Variants in RRAGD observed in about 807,000 individuals in gnomAD.
RRAGD encodes Ras related GTP binding D.
RRAGD carries 12 observed loss-of-function variants against 35.5 expected under a neutral mutation model. The observed-to-expected ratio is 0.34, with a 90% confidence interval of 0.22 to 0.55. The LOEUF (loss-of-function observed/expected upper bound fraction) is 0.55, where lower values mean the gene tolerates loss of function less well. Among genes scored for constraint, RRAGD ranks in the 20% least tolerant of loss-of-function variants. The pLI, the probability that RRAGD is intolerant of heterozygous loss-of-function variation, is 0.91. For synonymous variants in RRAGD, 155 were observed against 178.9 expected (o/e 0.87, Z 1.07); for missense variants, 324 against 490.1 (o/e 0.66, Z 3.20).
At chr6:89,383,238 G>A (rs1051992763) in intron 2 of RRAGD, among the ~76,000 whole-genome samples, 27 of 152,200 alleles carry the variant, frequency 1.8e-4, no homozygotes, top group African/African-American at 6.3e-4. Flanking sequence ...TAACTGAGGA[G>A]GGGAGTTAAG....
At chr6:89,410,916 A>G (rs1194043167) in intron 1 of RRAGD, among the ~76,000 whole-genome samples, 1 of 152,230 alleles carries the variant, frequency 6.6e-6, no homozygotes, top group Non-Finnish European at 1.5e-5. Flanking sequence ...TTCACTGAGA[A>G]TAACATCATG....
At chr6:89,379,689 T>C (rs1416713116) in intron 3 of RRAGD, among the ~76,000 whole-genome samples, 1 of 152,250 alleles carries the variant, frequency 6.6e-6, no homozygotes, top group Non-Finnish European at 1.5e-5. Flanking sequence ...TAGTAACTTA[T>C]ATTCTTGATA....
chr6:89,412,203 C>T lies in RRAGD; in HGVS notation c.-210G>A, dbSNP rs1769721405. 9.5e-6 allele frequency: 3 copies of T among 317,314 alleles called. No individual in the cohort carries two copies. Among genetic ancestry groups the T allele is most frequent in the Non-Finnish European group, 1.1e-5 (2 of 178,114 alleles). 19.7% of individuals were successfully genotyped at this position (317,314 alleles called of 1,614,324 possible). ...AGCGCGCCCGAAGCCCCCTCCCCCG[C>T]CCCGCCCGCCGGCGGAGGAGTCAGC... On this transcript the variant is annotated 5_prime_UTR_variant, in exon 1 of 7. Coordinates refer to ENST00000369415, the MANE Select transcript of RRAGD (RefSeq NM_021244.5). This position sits in a 1 kb window ranked among gnomAD's most constrained non-coding sequence, Gnocchi z 4.2.
At chr6:89,386,007 A>G (rs958868575) in intron 2 of RRAGD, among the ~76,000 whole-genome samples, 1 of 152,148 alleles carries the variant, frequency 6.6e-6, no homozygotes, top group African/African-American at 2.4e-5. Context: ...GTGCTCCTAG[A>G]AGGGCCAGGT....
At position 89,380,165 on chromosome 6, in the gene RRAGD, C is replaced by T. The variant is rs1769017105; in HGVS notation, c.644+3G>A. 2 of 1,614,094 alleles carry T rather than the reference C, an allele frequency of 1.2e-6. No homozygotes were observed. Among genetic ancestry groups the T allele is most frequent in the Non-Finnish European group, 1.7e-6 (2 of 1,179,920 alleles). ...GGGATCCTTAAGGGGTTTCTGTTCT[C>T]ACCTGAGGTGAATTTTTTCTAATCC... On this transcript the variant is annotated splice_donor_region_variant and intron_variant, in intron 3 of 6. Transcript: ENST00000369415.
chr6:89,384,346 G>GT (rs1209502919), intron 2 of RRAGD, among the ~76,000 whole-genome samples: 10 of 152,030 alleles, frequency 6.6e-5, no homozygotes, highest in African/African-American at 1.9e-4. Context: ...TTTATGTGTG[G>GT]TTTTTTTCTC....
At chr6:89,406,635 T>C (rs1769584931) in intron 1 of RRAGD, among the ~76,000 whole-genome samples, 1 of 152,166 alleles carries the variant, frequency 6.6e-6, no homozygotes. Context: ...TTCTATTCAA[T>C]AAAATCTTGC....
chr6:89,391,280 G>GAA (rs1425618104), intron 1 of RRAGD, among the ~76,000 whole-genome samples: 1 of 150,926 alleles, frequency 6.6e-6, no homozygotes, highest in Non-Finnish European at 1.5e-5. Context: ...AGCTACTCAG[G>GAA]AGACCAAGGT....
At chr6:89,371,368 G>C (rs1369768161) in intron 6 of RRAGD, among the ~76,000 whole-genome samples, 1 of 151,892 alleles carries the variant, frequency 6.6e-6, no homozygotes, top group Non-Finnish European at 1.5e-5. Flanking sequence ...ATGTGTCTGT[G>C]GTCCTAGCTA....
At chr6:89,403,605 C>G (rs1198190387) in intron 1 of RRAGD, among the ~76,000 whole-genome samples, 1 of 149,612 alleles carries the variant, frequency 6.7e-6, no homozygotes, top group Non-Finnish European at 1.5e-5. Flanking sequence ...TGATAATAGA[C>G]TTCCTGATTG....
chr6:89,369,937 G>A (rs756596449), intron 6 of RRAGD, among the ~76,000 whole-genome samples: 9 of 152,168 alleles, frequency 5.9e-5, no homozygotes, highest in Non-Finnish European at 1.3e-4. Flanking sequence ...CAGTTCATAA[G>A]GCCCCACATC....
chr6:89,387,062 G>A (rs1468156280), intron 2 of RRAGD, among the ~76,000 whole-genome samples: 1 of 152,210 alleles, frequency 6.6e-6, no homozygotes, highest in Non-Finnish European at 1.5e-5. Context: ...CTCCATCAGT[G>A]AGGTTTCCTA....
chr6:89,405,392 G>T (rs1582525590), intron 1 of RRAGD, among the ~76,000 whole-genome samples: 1 of 150,160 alleles, frequency 6.7e-6, no homozygotes, highest in Non-Finnish European at 1.5e-5. Context: ...ACATAGTGGC[G>T]AAGTGATGGC....
At chr6:89,405,186 TAAA>T (rs771730339) in intron 1 of RRAGD, among the ~76,000 whole-genome samples, 9 of 150,500 alleles carry the variant, frequency 6.0e-5, no homozygotes, top group Non-Finnish European at 1.3e-4. Context: ...CCGTCTCTAC[TAAA>T]AAAAATACAA....
intron 1 of RRAGD, among the ~76,000 whole-genome samples, chr6:89,397,967 C>T (rs570938982): frequency 4.7e-4 from 71 of 152,016 alleles, no homozygotes; most frequent in Non-Finnish European, 9.0e-4. Flanking sequence ...GCCAACATGG[C>T]GAAACCCTGT....
Position 89,367,842 on chromosome 6 carries a change from G to A in RRAGD, c.*214C>T. The A allele has an allele frequency of 2.5e-6, 1 of 396,894 alleles. No individual in the cohort carries two copies. Among genetic ancestry groups the A allele is most frequent in the Non-Finnish European group, 4.4e-6 (1 of 225,510 alleles). 24.6% of individuals were successfully genotyped at this position (396,894 alleles called of 1,614,324 possible). On this transcript the variant is annotated 3_prime_UTR_variant, in exon 7 of 7. Coordinates refer to ENST00000369415, the MANE Select transcript of RRAGD (RefSeq NM_021244.5). ...TACATTTGTGTAATGAAATGACAAT[G>A]GATTTCACATCACTGTTAATATACA...
intron 2 of RRAGD, among the ~76,000 whole-genome samples, chr6:89,384,809 G>A (rs1167611414): frequency 6.1e-5 from 7 of 115,576 alleles, no homozygotes; most frequent in South Asian, 2.8e-4. Flanking sequence ...GCAAGACTCC[G>A]TCTCAAAAAA....
chr6:89,394,289 G>A (rs184964385), intron 1 of RRAGD, among the ~76,000 whole-genome samples: 5 of 151,184 alleles, frequency 3.3e-5, no homozygotes, highest in Non-Finnish European at 7.4e-5. Flanking sequence ...GGAACAAAAA[G>A]AGAAGTGAAA....
intron 5 of RRAGD, among the ~76,000 whole-genome samples, chr6:89,374,371 A>T (rs925500744): frequency 2.0e-5 from 3 of 152,218 alleles, no homozygotes; most frequent in Non-Finnish European, 2.9e-5. Context: ...ATTGCACAAG[A>T]GTATTTTTAG....
Sources: allele counts gnomAD v4.1 joint callset (sites outside exome capture counted in the v4.1 genomes callset), GRCh38; gene constraint gnomAD v4.1.1; non-coding constraint Gnocchi (gnomAD v3.1); transcripts MANE v1.5; gene names NCBI Gene and HGNC (gene_info 2026-07-23, HGNC 2026-07-21).